Variants in NUP188 observed in about 807,000 individuals in gnomAD.
The protein encoded by NUP188 is nucleoporin 188.
Under a neutral mutation model 223.0 loss-of-function variants are expected in NUP188, and 97 were observed. The ratio of observed to expected loss-of-function variants is 0.43; its 90% CI spans 0.37 to 0.51. The LOEUF (loss-of-function observed/expected upper bound fraction) is 0.51, where lower values mean the gene tolerates loss of function less well. NUP188 is among the 20% of genes least tolerant of loss of function. The pLI is 0.00. For missense variants in NUP188, 1,947 were observed against 2,175.6 expected (o/e 0.89, Z 2.09); for synonymous variants, 869 against 828.0 (o/e 1.05, Z -0.85).
chr9:128,960,273 G>A (rs1264161138), intron 8 of NUP188, among the ~76,000 whole-genome samples: 1 of 150,618 alleles, frequency 6.6e-6, no homozygotes, highest in Non-Finnish European at 1.5e-5. Context: ...TTTTTTAGTA[G>A]AGACAGGGTT....
chr9:128,965,667 G>A (rs938932000), intron 8 of NUP188, among the ~76,000 whole-genome samples: 1 of 151,952 alleles, frequency 6.6e-6, no homozygotes, highest in African/African-American at 2.4e-5. Context: ...TGCCCAGGGT[G>A]GTCTCGAACT....
In NUP188 at chr9:128,986,611, G is replaced by C. The variant is rs746628981; in HGVS notation, c.2130G>C (p.Val710=). The C allele has an allele frequency of 6.2e-7, 1 of 1,614,208 alleles. No individual in the cohort carries two copies. Among genetic ancestry groups the C allele is most frequent in the Non-Finnish European group, 8.5e-7 (1 of 1,180,028 alleles). ...GACTTGTACCCTGTGTAATGTTTGTGCTGAAGGAGATGCTTCCCAGCTACC... is the reference window on the plus strand; with the variant it reads ...GACTTGTACCCTGTGTAATGTTTGTCCTGAAGGAGATGCTTCCCAGCTACC... ...SQGLVPCVMF[V]LKEMLPSYHK... is the part of the protein sequence containing the mutation. The change falls in exon 21 of 44, where the codon GTG becomes GTC. Residue 710 remains valine, a synonymous_variant. Coordinates refer to ENST00000372577, the MANE Select transcript of NUP188 (RefSeq NM_015354.3).
In NUP188 at chr9:129,003,448, T is replaced by C. The variant is rs778933989; in HGVS notation, c.4428T>C (p.Asp1476=). ...WHFHLPQLMR[D]IQVNLGYLCQ... ...TCCACCTGCCTCAGCTCATGCGTGA[T>C]ATCCAGGTGGGGGCCCAAGATGGTG... The change falls in exon 38 of 44, where the codon GAT becomes GAC. Residue 1476 remains aspartate, a synonymous_variant. Coordinates refer to ENST00000372577, the MANE Select transcript of NUP188 (RefSeq NM_015354.3). 3.7e-6 allele frequency: 6 copies of C among 1,610,066 alleles called. No individual in the cohort carries two copies. The African/African-American group carries it at 8.0e-5, about 21-fold the overall frequency.
In NUP188 at chr9:128,999,171, G is replaced by C; in HGVS notation, c.3516-1G>C. ...CCTGGCCCACCCAGTATTCTTTCTA[G>C]AGAGTTAGGTTCTGTGGATGAAATC... On this transcript the variant is annotated splice_acceptor_variant, in intron 32 of 43. Transcript: ENST00000372577. LOFTEE classifies it high-confidence loss of function. 1 of 1,613,794 alleles carries C rather than the reference G, an allele frequency of 6.2e-7. No individual in the cohort carries two copies. The highest frequency in any genetic ancestry group is 8.5e-7 in the Non-Finnish European group (1 of 1,179,844).
Position 128,973,269 on chromosome 9 carries a change from G to C in NUP188, c.1203+20G>C. On this transcript the variant is annotated intron_variant, in intron 12 of 43. Coordinates refer to ENST00000372577, the MANE Select transcript of NUP188 (RefSeq NM_015354.3). ...CAGCAGGTCAGTGTCTGGCTTTCAT[G>C]AAGCTGTCTCTACTGCCCAGCTTTG... 6.3e-7 allele frequency: 1 copy of C among 1,595,016 alleles called. No homozygotes were observed. The highest frequency in any genetic ancestry group is 8.6e-7 in the Non-Finnish European group (1 of 1,164,728).
In NUP188 at chr9:128,993,287, G is replaced by T. The variant is rs2131177690; in HGVS notation, c.2731G>T (p.Asp911Tyr). The T allele has an allele frequency of 6.2e-7, 1 of 1,614,168 alleles. No homozygotes were observed. The highest frequency in any genetic ancestry group is 1.3e-5 in the African/African-American group (1 of 75,046). ...GACCCGATTGCAGAGCAAAATTGAG[G>T]ACATGCGCATCAAAGTCATGATTCT... ...FLTRLQSKIE[D>Y]MRIKVMILEF... Residue 911 changes from aspartate to tyrosine, a missense_variant, in exon 26 of 44, where the codon GAC becomes TAC. Transcript: ENST00000372577.
At chr9:129,002,256 C>A (rs1027281487) in intron 36 of NUP188, among the ~76,000 whole-genome samples, 1 of 152,196 alleles carries the variant, frequency 6.6e-6, no homozygotes, top group Admixed American at 6.5e-5. Context: ...CATCCCTGGA[C>A]CAGGCCTCTA....
chr9:128,990,684 G>A (rs2131174871), intron 25 of NUP188, among the ~76,000 whole-genome samples: 1 of 152,334 alleles, frequency 6.6e-6, no homozygotes, highest in Admixed American at 6.5e-5. Flanking sequence ...CTAATACGGT[G>A]AAACCCCTTC....
chr9:128,983,680 C>G, intron 19 of NUP188, 130 bp downstream of exon 19: 1 of 697,540 alleles, frequency 1.4e-6, no homozygotes, highest in Non-Finnish European at 2.4e-6. Flanking sequence ...GAGTCTCACT[C>G]TGTTGCCCAG....
At chr9:128,956,732 T>C (rs1841876690) in intron 4 of NUP188, among the ~76,000 whole-genome samples, 1 of 152,134 alleles carries the variant, frequency 6.6e-6, no homozygotes, top group Non-Finnish European at 1.5e-5. Context: ...TGAATAAGCA[T>C]CGTTGTTTCT....
At chr9:128,977,024 G>A (rs1842185387) in intron 12 of NUP188, among the ~76,000 whole-genome samples, 1 of 151,988 alleles carries the variant, frequency 6.6e-6, no homozygotes, top group African/African-American at 2.4e-5. Context: ...AGTGTGCTGA[G>A]ATGGCGTCGC....
At chr9:128,951,448 C>T (rs1015433462) in intron 2 of NUP188, among the ~76,000 whole-genome samples, 6 of 152,120 alleles carry the variant, frequency 3.9e-5, no homozygotes, top group Non-Finnish European at 8.8e-5. Flanking sequence ...CACTGCACTC[C>T]AGCCTGGGTG....
chr9:128,975,112 A>G (rs374355466), intron 12 of NUP188, among the ~76,000 whole-genome samples: 81 of 151,618 alleles, frequency 5.3e-4, no homozygotes, highest in African/African-American at 1.6e-3. Flanking sequence ...ACAGCTTTCT[A>G]AATCTGTTTG....
chr9:128,985,159 G>C (rs1399600938), intron 20 of NUP188, 145 bp downstream of exon 20: 7 of 611,026 alleles, frequency 1.1e-5, no homozygotes, highest in Non-Finnish European at 1.8e-5. Flanking sequence ...AGTGACAACA[G>C]TTTCTATGTA....
At chr9:128,954,662 G>A (rs138496132) in intron 3 of NUP188, among the ~76,000 whole-genome samples, 6,249 of 152,082 alleles carry the variant, frequency 0.041, 436 homozygotes, top group African/African-American at 0.14. Flanking sequence ...GGGATTACAG[G>A]CGTGAGCCAC....
intron 16 of NUP188, 61 bp from the exon 17 acceptor site, chr9:128,982,841 A>G: frequency 6.2e-7 from 1 of 1,606,412 alleles, no homozygotes; most frequent in Non-Finnish European, 8.5e-7. Context: ...GGTCTCAGAG[A>G]CTGTTCAGTG....
chr9:128,987,088 AGTGTGTGTGTGTGTGTGT>A (rs376346210), intron 22 of NUP188, among the ~76,000 whole-genome samples: 2 of 113,262 alleles, frequency 1.8e-5, no homozygotes, highest in African/African-American at 7.1e-5. Flanking sequence ...AGAGAGAGAG[AGTGTGTGTGTGTGTGTGT>A]GTGTGTGTGT....
chr9:128,948,833 C>G lies in NUP188; in HGVS notation c.33-356C>G, dbSNP rs577436190. The G allele has an allele frequency of 3.9e-5, 6 of 152,040 alleles. No individual in the cohort carries two copies. In the East Asian group the frequency reaches 1.3e-3, roughly 33 times the overall value. 9.4% of individuals were successfully genotyped at this position (152,040 alleles called of 1,614,324 possible). On this transcript the variant is annotated intron_variant, in intron 1 of 43. Coordinates refer to ENST00000372577, the MANE Select transcript of NUP188 (RefSeq NM_015354.3). ...CTCTGTCTCCCGGGTTCATGCCATT[C>G]TCCTGCCTCAGCCTCCCAAGTAGCT...
At chr9:128,951,991 C>G (rs867313579) in intron 2 of NUP188, among the ~76,000 whole-genome samples, 1 of 152,110 alleles carries the variant, frequency 6.6e-6, no homozygotes, top group Admixed American at 6.6e-5. Context: ...CAGGGTTTCT[C>G]CATGTTGGTC....
Sources: gnomAD v4.1 joint callset for allele counts (sites outside exome capture counted in the v4.1 genomes callset) on GRCh38, gnomAD v4.1.1 for gene constraint, MANE v1.5 for transcripts, NCBI Gene and HGNC (gene_info 2026-07-23, HGNC 2026-07-21) for gene names.